LDHC: variants seen among roughly 807,000 people sequenced by gnomAD.
The protein encoded by LDHC is lactate dehydrogenase C.
A neutral mutation model predicts 30.2 loss-of-function variants in LDHC; 20 were observed. The observed-to-expected ratio is 0.66, with a 90% CI of 0.47 to 0.96. The LOEUF (loss-of-function observed/expected upper bound fraction) is 0.96, where lower values mean the gene tolerates loss of function less well. Among genes scored for constraint, LDHC ranks in the 40% least tolerant of loss-of-function variants. The pLI is 0.00. For synonymous variants in LDHC, 139 were observed against 132.7 expected (o/e 1.05, Z -0.32); for missense variants, 362 against 394.9 (o/e 0.92, Z 0.71).
At chr11:18,444,315 C>T (rs1172683174) in intron 6 of LDHC, among the ~76,000 whole-genome samples, 1 of 151,944 alleles carries the variant, frequency 6.6e-6, no homozygotes, top group African/African-American at 2.4e-5. Flanking sequence ...GAGGATAAAT[C>T]TGTCATCCAG....
At chr11:18,413,202 C>T (rs1420864245) in intron 2 of LDHC, among the ~76,000 whole-genome samples, 1 of 151,910 alleles carries the variant, frequency 6.6e-6, no homozygotes, top group East Asian at 1.9e-4. Flanking sequence ...CTGCCTCAGC[C>T]TCTTGAATAA....
intron 3 of LDHC, among the ~76,000 whole-genome samples, chr11:18,416,257 G>A (rs1467868927): frequency 6.6e-6 from 1 of 151,990 alleles, no homozygotes; most frequent in Non-Finnish European, 1.5e-5. Flanking sequence ...ATATTCTTTA[G>A]TTTTCTTTCT....
rs1003307670 is a variant in LDHC, at chr11:18,451,849, C to G, written c.*722C>G. On this transcript the variant is annotated 3_prime_UTR_variant, in exon 8 of 8. Coordinates refer to ENST00000541669, the MANE Select transcript of LDHC (RefSeq NM_017448.5). ...AGTCCAGCTACTTGGGAGACTGAGA[C>G]CAGTAGATAACTTGAGCCCAGGAGT... 3 of 152,012 alleles carry G rather than the reference C, an allele frequency of 2.0e-5. No individual in the cohort carries two copies. The highest frequency in any genetic ancestry group is 7.3e-5 in the African/African-American group (3 of 41,364). The allele number at this position is 152,012 out of a possible 1,614,324, so 9.4% of individuals were successfully genotyped here.
At chr11:18,425,404 A>C (rs961611119) in intron 3 of LDHC, among the ~76,000 whole-genome samples, 1 of 151,990 alleles carries the variant, frequency 6.6e-6, no homozygotes, top group African/African-American at 2.4e-5. Flanking sequence ...TTTAGAGACT[A>C]GGTCTTGCCC....
intron 7 of LDHC, among the ~76,000 whole-genome samples, chr11:18,449,262 C>T (rs531356717): frequency 6.6e-6 from 1 of 151,402 alleles, no homozygotes; most frequent in African/African-American, 2.4e-5. Context: ...CATAACAAGA[C>T]TCCATCTCTA....
At chr11:18,427,677 A>ATT (rs34480310) in intron 3 of LDHC, among the ~76,000 whole-genome samples, 1 of 129,926 alleles carries the variant, frequency 7.7e-6, no homozygotes, top group Non-Finnish European at 1.7e-5. Context: ...TTGGAGCCAG[A>ATT]TTTTTTTTTT....
intron 3 of LDHC, among the ~76,000 whole-genome samples, chr11:18,419,568 A>G (rs990233882): frequency 6.6e-6 from 1 of 152,244 alleles, no homozygotes; most frequent in Non-Finnish European, 1.5e-5. Flanking sequence ...AAACTTCCAG[A>G]GAAAATGAAC....
intron 3 of LDHC, among the ~76,000 whole-genome samples, chr11:18,426,915 C>T (rs2134055608): frequency 6.6e-6 from 1 of 152,206 alleles, no homozygotes; most frequent in Admixed American, 6.5e-5. Flanking sequence ...TTGGGGATAT[C>T]TAGCAGAGGA....
At chr11:18,425,050 G>T (rs1279376398) in intron 3 of LDHC, among the ~76,000 whole-genome samples, 1 of 152,150 alleles carries the variant, frequency 6.6e-6, no homozygotes, top group Non-Finnish European at 1.5e-5. Flanking sequence ...ATTTAAACAT[G>T]CATAGGTAGT....
chr11:18,428,310 T>G (rs555450652), intron 3 of LDHC, among the ~76,000 whole-genome samples: 51 of 144,300 alleles, frequency 3.5e-4, no homozygotes, highest in African/African-American at 1.2e-3. Context: ...TAGCTGGGAT[T>G]AAGATGCACG....
intron 3 of LDHC, among the ~76,000 whole-genome samples, chr11:18,423,881 A>T (rs1848111138): frequency 6.6e-6 from 1 of 152,182 alleles, no homozygotes; most frequent in Non-Finnish European, 1.5e-5. Context: ...AAATGAGAAA[A>T]GCCTTCAATA....
At chr11:18,415,361 C>A in intron 3 of LDHC, 60 bp downstream of exon 3, 2 of 822,984 alleles carry the variant, frequency 2.4e-6, no homozygotes, top group Non-Finnish European at 4.0e-6. Flanking sequence ...TAAATTTTAC[C>A]AAACAGATGT....
chr11:18,415,442 T>A, intron 3 of LDHC, 141 bp downstream of exon 3: 1 of 561,652 alleles, frequency 1.8e-6, no homozygotes, highest in East Asian at 3.0e-5. Flanking sequence ...ATCAATTTTT[T>A]TTGTTTTTTG....
chr11:18,441,263 A>G (rs1848459752), intron 6 of LDHC, among the ~76,000 whole-genome samples: 1 of 152,120 alleles, frequency 6.6e-6, no homozygotes, highest in South Asian at 2.1e-4. Context: ...TGGTGAAAGG[A>G]TACCAGGAAG....
chr11:18,422,749 G>A (rs1038941416), intron 3 of LDHC, among the ~76,000 whole-genome samples: 3 of 151,862 alleles, frequency 2.0e-5, no homozygotes, highest in African/African-American at 4.9e-5. Flanking sequence ...TTGGGAAGCC[G>A]AGGCGGGAGT....
intron 7 of LDHC, among the ~76,000 whole-genome samples, chr11:18,447,822 G>C (rs112656377): frequency 6.6e-6 from 1 of 151,994 alleles, no homozygotes; most frequent in Non-Finnish European, 1.5e-5. Context: ...GGCTGAGGCC[G>C]GTGGATCACT....
chr11:18,414,554 G>T (rs916347809), intron 2 of LDHC, among the ~76,000 whole-genome samples: 1 of 152,166 alleles, frequency 6.6e-6, no homozygotes, highest in East Asian at 1.9e-4. Context: ...CTGGCCGGGC[G>T]CAGTGGCTCA....
intron 3 of LDHC, among the ~76,000 whole-genome samples, chr11:18,423,253 G>A (rs1241826577): frequency 6.6e-6 from 1 of 152,094 alleles, no homozygotes; most frequent in Non-Finnish European, 1.5e-5. Context: ...GATATTCCTT[G>A]TTCATAGAAG....
At chr11:18,421,892 C>T (rs760920298) in intron 3 of LDHC, among the ~76,000 whole-genome samples, 3 of 151,864 alleles carry the variant, frequency 2.0e-5, no homozygotes, top group East Asian at 2.0e-4. Context: ...GGGAGGCCAA[C>T]GCGGGCGAAT....
Sources: gnomAD v4.1 joint callset for allele counts (sites outside exome capture counted in the v4.1 genomes callset) on GRCh38, gnomAD v4.1.1 for gene constraint, MANE v1.5 for transcripts, NCBI Gene and HGNC (gene_info 2026-07-23, HGNC 2026-07-21) for gene names.